Variants in CTNND2 observed in about 807,000 individuals in gnomAD.
The protein encoded by CTNND2 is catenin delta-2.
Under a neutral mutation model 144.4 loss-of-function variants are expected in CTNND2, and 22 were observed. The observed-to-expected ratio is 0.15, with a 90% CI of 0.11 to 0.22. CTNND2 has a LOEUF of 0.22. Ranked by LOEUF, CTNND2 falls within the 10% of genes least tolerant of loss-of-function variation. CTNND2 has a pLI of 1.00. For synonymous variants in CTNND2, 751 were observed against 695.6 expected (o/e 1.08, Z -1.25); for missense variants, 1,353 against 1,618.8 (o/e 0.84, Z 2.82).
intron 18 of CTNND2, among the ~76,000 whole-genome samples, chr5:11,016,086 T>C (rs548781172): frequency 6.6e-6 from 1 of 152,258 alleles, no homozygotes; most frequent in South Asian, 2.1e-4. Context: ...CAAATGCAGA[T>C]AAAAAATACA....
chr5:11,130,038 A>G (rs541603083), intron 12 of CTNND2, among the ~76,000 whole-genome samples: 11 of 152,112 alleles, frequency 7.2e-5, no homozygotes, highest in African/African-American at 2.7e-4. Flanking sequence ...TTTTTTTTAA[A>G]GATTAGCACA....
chr5:11,541,042 C>G (rs541142372), intron 3 of CTNND2, among the ~76,000 whole-genome samples: 1 of 152,288 alleles, frequency 6.6e-6, no homozygotes, highest in African/African-American at 2.4e-5. Flanking sequence ...CACCATTGTT[C>G]TTATCCAAAG....
At chr5:11,831,869 A>ACG in intron 1 of CTNND2, among the ~76,000 whole-genome samples, 1 of 152,314 alleles carries the variant, frequency 6.6e-6, no homozygotes, top group Non-Finnish European at 1.5e-5. Flanking sequence ...TCATAGATCT[A>ACG]ATGTAAAAGT....
chr5:11,026,307 A>T, intron 16 of CTNND2, among the ~76,000 whole-genome samples: 1 of 150,938 alleles, frequency 6.6e-6, no homozygotes, highest in East Asian at 1.9e-4. Flanking sequence ...GGCACCAGTA[A>T]CCACTGCAAA....
At chr5:11,793,118 C>T (rs1791223362) in intron 1 of CTNND2, among the ~76,000 whole-genome samples, 3 of 152,182 alleles carry the variant, frequency 2.0e-5, no homozygotes, top group South Asian at 2.1e-4. Flanking sequence ...AAGAATTTGA[C>T]AAATATTTTA....
intron 2 of CTNND2, among the ~76,000 whole-genome samples, chr5:11,647,093 T>C (rs181956628): frequency 7.2e-5 from 11 of 152,212 alleles, no homozygotes; most frequent in Non-Finnish European, 1.5e-4. Context: ...GTCACCACTG[T>C]CCCTGTCTCC....
At chr5:11,460,790 G>A (rs1170057584) in intron 3 of CTNND2, among the ~76,000 whole-genome samples, 1 of 152,092 alleles carries the variant, frequency 6.6e-6, no homozygotes, top group Non-Finnish European at 1.5e-5. Flanking sequence ...TGTGGCTCAT[G>A]CCTGTAATCT....
At chr5:11,376,190 C>T (rs1357675501) in intron 7 of CTNND2, among the ~76,000 whole-genome samples, 4 of 152,146 alleles carry the variant, frequency 2.6e-5, no homozygotes, top group Non-Finnish European at 4.4e-5. Context: ...TTGTAAGTTA[C>T]ACAATTTATG....
At chr5:11,629,508 A>G (rs1270915287) in intron 2 of CTNND2, among the ~76,000 whole-genome samples, 1 of 152,204 alleles carries the variant, frequency 6.6e-6, no homozygotes, top group African/African-American at 2.4e-5. Flanking sequence ...GAGTTTGAAC[A>G]TATCAAATAA....
chr5:11,475,973 C>T (rs755172906), intron 3 of CTNND2, among the ~76,000 whole-genome samples: 4 of 152,004 alleles, frequency 2.6e-5, no homozygotes, highest in African/African-American at 4.8e-5. Flanking sequence ...GATCCTTCTA[C>T]CTTAGCCTCC....
intron 16 of CTNND2, among the ~76,000 whole-genome samples, chr5:11,041,592 T>C (rs979594479): frequency 2.0e-5 from 3 of 152,162 alleles, no homozygotes; most frequent in South Asian, 2.1e-4. Flanking sequence ...AAAACATTCA[T>C]TGAAGTTGCA....
chr5:11,378,083 G>C (rs750446456), intron 7 of CTNND2, among the ~76,000 whole-genome samples: 1 of 152,134 alleles, frequency 6.6e-6, no homozygotes, highest in African/African-American at 2.4e-5. Flanking sequence ...CTGAGATATG[G>C]ATTCCCTACT....
At chr5:11,327,765 G>A (rs985803230) in intron 9 of CTNND2, among the ~76,000 whole-genome samples, 4 of 152,110 alleles carry the variant, frequency 2.6e-5, no homozygotes, top group South Asian at 2.1e-4. Context: ...ACATTAATGC[G>A]TGCAGAAATC....
chr5:11,724,977 C>T (rs971561258), intron 2 of CTNND2, among the ~76,000 whole-genome samples: 11 of 152,154 alleles, frequency 7.2e-5, no homozygotes, highest in Admixed American at 6.5e-4. Flanking sequence ...AGTGGCCCAG[C>T]TGCTTCCTGA....
intron 1 of CTNND2, among the ~76,000 whole-genome samples, chr5:11,746,229 A>G (rs950905962): frequency 6.6e-6 from 1 of 152,148 alleles, no homozygotes. Context: ...TGCGTGTGCC[A>G]ATTCAGTTTA....
chr5:11,422,780 C>T (rs1259385403), intron 3 of CTNND2, among the ~76,000 whole-genome samples: 1 of 152,178 alleles, frequency 6.6e-6, no homozygotes, highest in African/African-American at 2.4e-5. Context: ...GAAAGAAATG[C>T]ATTCATTTTT....
intron 2 of CTNND2, among the ~76,000 whole-genome samples, chr5:11,646,442 T>C (rs1485114110): frequency 6.6e-6 from 1 of 152,176 alleles, no homozygotes; most frequent in Non-Finnish European, 1.5e-5. Flanking sequence ...TTCACAATAA[T>C]AGACACGGAA....
chr5:11,319,282 G>C (rs1177132116), intron 9 of CTNND2, among the ~76,000 whole-genome samples: 1 of 152,028 alleles, frequency 6.6e-6, no homozygotes, highest in African/African-American at 2.4e-5. Context: ...ACCTGGAACA[G>C]AGCCAAGCCC....
chr5:11,620,388 G>A (rs1032220967), intron 2 of CTNND2, among the ~76,000 whole-genome samples: 2 of 152,150 alleles, frequency 1.3e-5, no homozygotes, highest in Non-Finnish European at 2.9e-5. Flanking sequence ...CATCCCAGGG[G>A]CAGAGAGCAC....
Sources: gnomAD v4.1 joint callset for allele counts (sites outside exome capture counted in the v4.1 genomes callset) on GRCh38, gnomAD v4.1.1 for gene constraint, MANE v1.5 for transcripts, NCBI Gene and HGNC (gene_info 2026-07-23, HGNC 2026-07-21) for gene names.